The following SLC9A1 variants were observed in gnomAD, a reference collection of about 807,000 sequenced individuals.
SLC9A1 encodes sodium/hydrogen exchanger 1.
A neutral mutation model predicts 67.9 loss-of-function variants in SLC9A1; 22 were observed. That is an observed-to-expected ratio of 0.32 (90% CI 0.23 to 0.46). The LOEUF (loss-of-function observed/expected upper bound fraction) is 0.46. Ranked by LOEUF, SLC9A1 falls within the 20% of genes least tolerant of loss-of-function variation. SLC9A1 has a pLI of 1.00. For missense variants in SLC9A1, 686 were observed against 1,094.8 expected (o/e 0.63, Z 5.27); for synonymous variants, 421 against 471.8 (o/e 0.89, Z 1.40).
At chr1:27,129,412 G>A (rs534105296) in intron 1 of SLC9A1, among the ~76,000 whole-genome samples, 26 of 152,330 alleles carry the variant, frequency 1.7e-4, no homozygotes, top group African/African-American at 3.6e-4. Flanking sequence ...GGAGAACTGA[G>A]CATGCTCAGA....
chr1:27,107,129 TAC>T (rs1454481734), intron 4 of SLC9A1, among the ~76,000 whole-genome samples: 5 of 6,884 alleles, frequency 7.3e-4, no homozygotes, highest in Non-Finnish European at 9.3e-4. Context: ...CCAGGCCCTC[TAC>T]ACACACACAC....
chr1:27,114,293 A>G lies in SLC9A1; in HGVS notation c.353-7T>C. ...GTGGGGATCACATGGAAACCTGCGG[A>G]GGGCGAGAGAACGGGAGGCCATGGG... On this transcript the variant is annotated splice_polypyrimidine_tract_variant and splice_region_variant and intron_variant, in intron 1 of 11. Transcript: ENST00000263980. This position sits in a 1 kb window ranked among gnomAD's most constrained non-coding sequence, Gnocchi z 5.4. 6.2e-7 allele frequency: 1 copy of G among 1,601,152 alleles called. No individual in the cohort carries two copies. Among genetic ancestry groups the G allele is most frequent in the Non-Finnish European group, 8.5e-7 (1 of 1,170,178 alleles).
chr1:27,125,117 C>T (rs961528516), intron 1 of SLC9A1, among the ~76,000 whole-genome samples: 1 of 152,002 alleles, frequency 6.6e-6, no homozygotes, highest in African/African-American at 2.4e-5. Context: ...ATGAACAGAC[C>T]CTGACACTTC....
chr1:27,129,405 G>C (rs977692326), intron 1 of SLC9A1, among the ~76,000 whole-genome samples: 4 of 152,312 alleles, frequency 2.6e-5, no homozygotes, highest in African/African-American at 9.6e-5. Context: ...GTGGATAGGA[G>C]AACTGAGCAT....
At chr1:27,103,168 C>G (rs1353249917) in intron 6 of SLC9A1, 55 bp downstream of exon 6, 7 of 1,290,708 alleles carry the variant, frequency 5.4e-6, no homozygotes, top group Non-Finnish European at 7.9e-6. Context: ...CCCAGCTGCT[C>G]CCTATCTCCC....
At chr1:27,117,163 C>T (rs188670449) in intron 1 of SLC9A1, among the ~76,000 whole-genome samples, 1 of 152,008 alleles carries the variant, frequency 6.6e-6, no homozygotes, top group African/African-American at 2.4e-5. Flanking sequence ...GGCATCAGAC[C>T]CCAAAGACCT....
intron 1 of SLC9A1, among the ~76,000 whole-genome samples, chr1:27,135,843 G>A (rs2083417399): frequency 1.3e-5 from 2 of 152,234 alleles, no homozygotes. Flanking sequence ...AGCAAAAGCA[G>A]CCAGACACAC....
intron 1 of SLC9A1, among the ~76,000 whole-genome samples, chr1:27,129,175 G>A (rs2083368320): frequency 1.3e-5 from 2 of 152,168 alleles, no homozygotes; most frequent in South Asian, 2.1e-4. Flanking sequence ...ACTGCCTCCT[G>A]CACAATACCA....
chr1:27,124,622 G>A (rs2083328143), intron 1 of SLC9A1, among the ~76,000 whole-genome samples: 1 of 152,232 alleles, frequency 6.6e-6, no homozygotes, highest in Admixed American at 6.5e-5. Context: ...AGGCGGCACT[G>A]GCTGGGTGGG....
intron 2 of SLC9A1, among the ~76,000 whole-genome samples, chr1:27,112,181 C>T (rs1348127316): frequency 6.6e-6 from 1 of 152,212 alleles, no homozygotes; most frequent in Non-Finnish European, 1.5e-5. Flanking sequence ...TGGGCAAGAG[C>T]TAGTGCTAGA....
intron 1 of SLC9A1, among the ~76,000 whole-genome samples, chr1:27,129,766 C>G (rs1248829345): frequency 1.3e-5 from 2 of 152,170 alleles, no homozygotes; most frequent in African/African-American, 4.8e-5. Context: ...TGCCAACCCC[C>G]CCATTCCACT....
At chr1:27,139,033 G>C (rs1315057648) in intron 1 of SLC9A1, among the ~76,000 whole-genome samples, 1 of 151,826 alleles carries the variant, frequency 6.6e-6, no homozygotes, top group Non-Finnish European at 1.5e-5. Flanking sequence ...TTTGCCACCA[G>C]TCTGAGGAGC....
At chr1:27,126,035 C>T (rs2083341774) in intron 1 of SLC9A1, among the ~76,000 whole-genome samples, 1 of 152,182 alleles carries the variant, frequency 6.6e-6, no homozygotes, top group Non-Finnish European at 1.5e-5. Flanking sequence ...CACAAACATG[C>T]CCCCACCTCA....
chr1:27,149,515 G>A (rs1445518012), intron 1 of SLC9A1, among the ~76,000 whole-genome samples: 7 of 152,256 alleles, frequency 4.6e-5, no homozygotes, highest in Admixed American at 3.9e-4. Context: ...GGCAGGCAAG[G>A]CCTAATGCCA....
intron 1 of SLC9A1, among the ~76,000 whole-genome samples, chr1:27,127,765 C>G (rs751516422): frequency 6.6e-6 from 1 of 152,214 alleles, no homozygotes; most frequent in Non-Finnish European, 1.5e-5. Flanking sequence ...CTGGCACTGC[C>G]TCCTGCACAA....
chr1:27,119,244 C>A (rs1039726133), intron 1 of SLC9A1, among the ~76,000 whole-genome samples: 1 of 152,158 alleles, frequency 6.6e-6, no homozygotes, highest in Non-Finnish European at 1.5e-5. Flanking sequence ...TCCGACATCA[C>A]CCTGGGTTGC....
chr1:27,150,372 G>A (rs1056209725), intron 1 of SLC9A1, among the ~76,000 whole-genome samples: 14 of 152,168 alleles, frequency 9.2e-5, no homozygotes, highest in Non-Finnish European at 1.6e-4. Context: ...TGGGCTCCCG[G>A]GCCTCTGCCA....
chr1:27,104,630 C>T (rs773270147), intron 5 of SLC9A1, among the ~76,000 whole-genome samples: 4 of 152,014 alleles, frequency 2.6e-5, no homozygotes, highest in African/African-American at 4.8e-5. Flanking sequence ...CTCAAGGGAT[C>T]CTCCTGCCTC....
At chr1:27,144,557 C>G (rs540083338) in intron 1 of SLC9A1, among the ~76,000 whole-genome samples, 134 of 152,356 alleles carry the variant, frequency 8.8e-4, no homozygotes, top group African/African-American at 2.8e-3. Flanking sequence ...GCCTCTGCAA[C>G]CTTTGCTCTC....
Sources: gnomAD v4.1 joint callset for allele counts (sites outside exome capture counted in the v4.1 genomes callset) on GRCh38, gnomAD v4.1.1 for gene constraint, Gnocchi (gnomAD v3.1) non-coding constraint, MANE v1.5 for transcripts, NCBI Gene and HGNC (gene_info 2026-07-23, HGNC 2026-07-21) for gene names.